DEAF1: variants seen among roughly 807,000 people sequenced by gnomAD.
The protein encoded by DEAF1 is deformed epidermal autoregulatory factor 1 homolog.
DEAF1 carries 53 observed loss-of-function variants against 58.9 expected under a neutral mutation model. The observed-to-expected ratio is 0.90, with a 90% CI of 0.72 to 1.13. The LOEUF (loss-of-function observed/expected upper bound fraction) is 1.13. DEAF1 is among the 50% of genes most tolerant of loss of function. The pLI is 0.00. For synonymous variants in DEAF1, 385 were observed against 340.4 expected, an observed-to-expected ratio of 1.13 and a Z score of -1.44; for missense variants, 685 against 791.4, an observed-to-expected ratio of 0.87 and a Z score of 1.61.
At chr11:694,599 GA>G (rs1206737054) in intron 1 of DEAF1, 159 bp downstream of exon 1, 2 of 603,870 alleles carry the variant, frequency 3.3e-6, no homozygotes, top group African/African-American at 4.0e-5. Context: ...GAGCAGGTGT[GA>G]GGGGCAGGTG....
Position 659,229 on chromosome 11 carries a change from A to C in DEAF1, c.1504-5178T>G, listed in dbSNP as rs1479528489. Among the ~76,000 whole-genome samples the C allele has an allele frequency of 6.3e-3, 473 of 74,656 alleles. 1 individual carries two copies. The highest frequency in any genetic ancestry group is 0.036 in the African/African-American group (444 of 12,506). 49.0% of individuals were successfully genotyped at this position (74,656 alleles called of 152,430 possible). The stretch of plus-strand genomic sequence containing the variant: ...TGACATGGCAAAACCCTGTCTCTAC[A>C]AAAAAAAAAAAAAAAAAAATTAGCT... On this transcript the variant is annotated intron_variant, in intron 10 of 11. Coordinates refer to ENST00000382409, the MANE Select transcript of DEAF1 (RefSeq NM_021008.4).
intron 2 of DEAF1, chr11:689,695 G>C (rs1479400467): frequency 6.6e-6 from 1 of 152,130 alleles, no homozygotes; most frequent in African/African-American, 2.4e-5. Flanking sequence ...AATGTCTTGT[G>C]TTTGTTTAAG....
intron 10 of DEAF1, among the ~76,000 whole-genome samples, chr11:661,942 C>T (rs779786081): frequency 9.9e-5 from 15 of 152,178 alleles, no homozygotes; most frequent in South Asian, 2.1e-4. Context: ...CCACAGCCCG[C>T]GGGCTGCATG....
chr11:705,684 G>T (rs929623499), intron 1 of DEAF1, among the ~76,000 whole-genome samples: 1 of 152,176 alleles, frequency 6.6e-6, no homozygotes, highest in Non-Finnish European at 1.5e-5. Flanking sequence ...CTGGGCCTGC[G>T]GTGGGCCCGG....
At chr11:690,466 C>T (rs761774273) in intron 2 of DEAF1, among the ~76,000 whole-genome samples, 5 of 150,722 alleles carry the variant, frequency 3.3e-5, no homozygotes, top group African/African-American at 4.9e-5. Flanking sequence ...GCTTTCAGGC[C>T]GGGTGTGGTG....
chr11:670,929 A>AGGTTTT, intron 10 of DEAF1, among the ~76,000 whole-genome samples: 1 of 32,410 alleles, frequency 3.1e-5, no homozygotes, highest in South Asian at 1.0e-3. Flanking sequence ...CACCTGGCTA[A>AGGTTTT]TGTTTTTTTT....
chr11:689,196 CTTT>C (rs1160106310), intron 2 of DEAF1, among the ~76,000 whole-genome samples: 1 of 135,750 alleles, frequency 7.4e-6, no homozygotes. Context: ...TTCTTTTTTT[CTTT>C]TTCTTTTTTT....
chr11:695,970 G>A, upstream of DEAF1: 1 of 786,418 alleles, frequency 1.3e-6, no homozygotes, highest in Non-Finnish European at 1.7e-6. Context: ...CTACGTGAGC[G>A]AGACAGCTCC....
upstream of DEAF1, among the ~76,000 whole-genome samples, chr11:696,619 T>C (rs1861177434): frequency 1.0e-5 from 1 of 96,100 alleles, no homozygotes; most frequent in Non-Finnish European, 2.2e-5. Flanking sequence ...ACTGTAAACA[T>C]CAGCCAGGCG....
upstream of DEAF1, chr11:699,334 C>G (rs1861339765): frequency 5.0e-6 from 1 of 199,098 alleles, no homozygotes; most frequent in Non-Finnish European, 1.0e-5. Flanking sequence ...CAGGCGGGAG[C>G]CACTGTGCCT....
At chr11:656,240 C>A (rs1183306627) in intron 10 of DEAF1, among the ~76,000 whole-genome samples, 1 of 151,646 alleles carries the variant, frequency 6.6e-6, no homozygotes, top group Non-Finnish European at 1.5e-5. Flanking sequence ...ATTGCAACCA[C>A]CACCTTCCAG....
At chr11:649,627 C>T (rs1203180484) in intron 11 of DEAF1, among the ~76,000 whole-genome samples, 1 of 150,228 alleles carries the variant, frequency 6.7e-6, no homozygotes, top group South Asian at 2.1e-4. Flanking sequence ...GAATGAGGCA[C>T]GAGAATCCCT....
At chr11:680,219 A>G (rs1483295113) in intron 7 of DEAF1, 3 of 293,512 alleles carry the variant, frequency 1.0e-5, no homozygotes, top group Non-Finnish European at 2.0e-5. Context: ...GTCCCACAGC[A>G]AGGCTGCCTC....
intron 9 of DEAF1, among the ~76,000 whole-genome samples, chr11:677,287 T>C (rs1331923670): frequency 2.0e-5 from 3 of 150,602 alleles, no homozygotes; most frequent in Non-Finnish European, 4.4e-5. Context: ...GATCACAAGG[T>C]CAAGAGATCA....
chr11:668,439 G>T (rs1187731012), intron 10 of DEAF1, among the ~76,000 whole-genome samples: 4 of 152,080 alleles, frequency 2.6e-5, no homozygotes, highest in Non-Finnish European at 2.9e-5. Flanking sequence ...TTGAGACAGG[G>T]TCTCATTCTG....
chr11:645,179 A>AAG (rs1858429431), intron 11 of DEAF1, among the ~76,000 whole-genome samples: 1 of 151,282 alleles, frequency 6.6e-6, no homozygotes, highest in Non-Finnish European at 1.5e-5. Context: ...AAAAAAAAAA[A>AAG]GTCAAACAAC....
At chr11:680,835 G>A (rs938279136) in intron 7 of DEAF1, 128 bp downstream of exon 7, 2 of 1,374,764 alleles carry the variant, frequency 1.5e-6, no homozygotes, top group East Asian at 4.8e-5. Flanking sequence ...TGATGGCGTT[G>A]GAATCCCTCT....
upstream of DEAF1, chr11:699,023 G>A: frequency 1.9e-6 from 2 of 1,034,052 alleles, no homozygotes; most frequent in Non-Finnish European, 3.0e-6. Flanking sequence ...GGTGTTCCTT[G>A]ACAGATTTAG....
At chr11:651,414 G>GAAAA in intron 11 of DEAF1, 28 of 234,270 alleles carry the variant, frequency 1.2e-4, no homozygotes, top group Non-Finnish European at 1.6e-4. Context: ...ATCTCTGTAA[G>GAAAA]AAAAAAAAAA....
Sources: gnomAD v4.1 joint callset for allele counts (sites outside exome capture counted in the v4.1 genomes callset) on GRCh38, gnomAD v4.1.1 for gene constraint, MANE v1.5 for transcripts, NCBI Gene and HGNC (gene_info 2026-07-23, HGNC 2026-07-21) for gene names.